Variants in RBMS3 observed in about 807,000 individuals in gnomAD.
RBMS3 encodes the protein RNA binding motif single stranded interacting protein 3.
In RBMS3, 27 loss-of-function variants were observed where a neutral mutation model predicts 66.8. That is an observed-to-expected ratio of 0.40 (90% CI 0.30 to 0.56). RBMS3 has a LOEUF of 0.56. Ranked by LOEUF, RBMS3 falls within the 20% of genes least tolerant of loss-of-function variation. The pLI is 0.40. For synonymous variants in RBMS3, 188 were observed against 183.0 expected, an observed-to-expected ratio of 1.03 and a Z score of -0.22; for missense variants, 513 against 549.5, an observed-to-expected ratio of 0.93 and a Z score of 0.66.
chr3:29,303,379 G>A (rs2125450084), intron 1 of RBMS3, among the ~76,000 whole-genome samples: 1 of 152,118 alleles, frequency 6.6e-6, no homozygotes, highest in South Asian at 2.1e-4. Flanking sequence ...ATCTTAGTCT[G>A]AAGTGTGGTG....
rs1301393027 is a variant in RBMS3, at chr3:29,991,074, C to T, written c.1180-8C>T. 6.2e-7 allele frequency: 1 copy of T among 1,613,708 alleles called. No individual in the cohort carries two copies. The highest frequency in any genetic ancestry group is 1.3e-5 in the African/African-American group (1 of 74,888). ...GTAAGGCTTTTATGTTCTTATTTGCCTCCTTAGGGTGTTGTTGCTGATACC... is the reference window on the plus strand; with the variant it reads ...GTAAGGCTTTTATGTTCTTATTTGCTTCCTTAGGGTGTTGTTGCTGATACC... On this transcript the variant is annotated splice_region_variant and splice_polypyrimidine_tract_variant and intron_variant, in intron 13 of 14. Transcript: ENST00000383767.
intron 1 of RBMS3, among the ~76,000 whole-genome samples, chr3:29,396,791 A>G (rs1425227559): frequency 6.6e-6 from 1 of 152,194 alleles, no homozygotes; most frequent in Admixed American, 6.6e-5. Context: ...ATACTTTTAA[A>G]TATAATGAGG....
chr3:29,882,988 T>C (rs2059771807), intron 7 of RBMS3, among the ~76,000 whole-genome samples: 1 of 151,980 alleles, frequency 6.6e-6, no homozygotes, highest in South Asian at 2.1e-4. Context: ...TGTTATATTT[T>C]AAGTAATTAT....
intron 6 of RBMS3, among the ~76,000 whole-genome samples, chr3:29,849,170 A>ATGTG (rs10571760): frequency 0.14 from 20,397 of 141,608 alleles, 1,645 homozygotes; most frequent in East Asian, 0.37. Context: ...CACCAAAGGA[A>ATGTG]TGTGTGTGTG....
At position 29,991,160 on chromosome 3, in the gene RBMS3, G is replaced by C. The variant is rs1273450692; in HGVS notation, c.1258G>C (p.Val420Leu). 1.2e-6 allele frequency: 2 copies of C among 1,614,060 alleles called. No homozygotes were observed. The highest frequency in any genetic ancestry group is 1.7e-6 in the Non-Finnish European group (2 of 1,180,038). ...CAGTGGTCAGCAGCAACAGATAGCAGTGGACACATCCAACGAACATGCACC... is the reference window on the plus strand; with the variant it reads ...CAGTGGTCAGCAGCAACAGATAGCACTGGACACATCCAACGAACATGCACC... ...DTSGQQQQIA[V>L]DTSNEHAPAY... is the part of the protein sequence containing the mutation. The change falls in exon 14 of 15, where the codon GTG becomes CTG. Residue 420 changes from valine to leucine, a missense_variant. Physicochemically the swap from Val to Leu is conservative, Grantham distance 32. Coordinates refer to ENST00000383767, the MANE Select transcript of RBMS3 (RefSeq NM_001003793.3).
intron 10 of RBMS3, among the ~76,000 whole-genome samples, chr3:29,911,991 A>C (rs937278801): frequency 8.6e-5 from 13 of 152,008 alleles, no homozygotes; most frequent in African/African-American, 2.4e-4. Context: ...AGCTAGATAG[A>C]TAGATAGATA....
chr3:29,367,017 AAC>A (rs2125593426), intron 1 of RBMS3, among the ~76,000 whole-genome samples: 1 of 152,296 alleles, frequency 6.6e-6, no homozygotes, highest in South Asian at 2.1e-4. Flanking sequence ...GATCTTTGGT[AAC>A]ACATGGAAGA....
chr3:29,836,035 GAAAC>G (rs570272184), intron 6 of RBMS3, among the ~76,000 whole-genome samples: 231 of 151,804 alleles, frequency 1.5e-3, no homozygotes, highest in African/African-American at 5.3e-3. Context: ...AAAATTCCTA[GAAAC>G]AAACAACCTA....
At chr3:29,950,016 T>C (rs1485526136) in intron 12 of RBMS3, among the ~76,000 whole-genome samples, 2 of 151,870 alleles carry the variant, frequency 1.3e-5, no homozygotes, top group Non-Finnish European at 2.9e-5. Flanking sequence ...TCCACTGATA[T>C]TACTCTTGAC....
chr3:29,761,559 G>A (rs1418658107), intron 5 of RBMS3, among the ~76,000 whole-genome samples: 2 of 152,026 alleles, frequency 1.3e-5, no homozygotes, highest in African/African-American at 4.8e-5. Context: ...CCTCTTCTCA[G>A]CATTTCTCTC....
chr3:29,681,657 A>T (rs1482160295), intron 4 of RBMS3, among the ~76,000 whole-genome samples: 2 of 152,034 alleles, frequency 1.3e-5, no homozygotes, highest in Non-Finnish European at 2.9e-5. Flanking sequence ...TTTCAACCCC[A>T]TCCATGTCCC....
chr3:29,369,119 C>T (rs1180129943), intron 1 of RBMS3, among the ~76,000 whole-genome samples: 3 of 151,946 alleles, frequency 2.0e-5, no homozygotes, highest in African/African-American at 7.3e-5. Flanking sequence ...GATGAGAACA[C>T]ATAGACACAT....
At chr3:29,589,951 G>A (rs1214868513) in intron 4 of RBMS3, among the ~76,000 whole-genome samples, 1 of 151,966 alleles carries the variant, frequency 6.6e-6, no homozygotes, top group Non-Finnish European at 1.5e-5. Context: ...ATTCCAGTGT[G>A]TGCATATGGA....
At chr3:29,662,593 T>C (rs1243060152) in intron 4 of RBMS3, among the ~76,000 whole-genome samples, 2 of 152,124 alleles carry the variant, frequency 1.3e-5, no homozygotes, top group Non-Finnish European at 2.9e-5. Context: ...ATGAGAAAAC[T>C]GGGATTGAAA....
rs372199624 is a variant in RBMS3, at chr3:29,767,628, G to A, written c.637+4639G>A. 5 of 152,066 alleles carry A rather than the reference G, an allele frequency of 3.3e-5. No homozygotes were observed. In the East Asian group the frequency reaches 9.7e-4, roughly 30 times the overall value. The allele number at this position is 152,066 out of a possible 1,614,324, so 9.4% of individuals were successfully genotyped here. On this transcript the variant is annotated intron_variant, in intron 6 of 14. Transcript: ENST00000383767. ...GTTGTGTGTTGATGTAAATAACAAT[G>A]TGTATGACTATGTATGTATATGAAT...
chr3:29,337,269 G>T (rs867062903), intron 1 of RBMS3, among the ~76,000 whole-genome samples: 15 of 152,020 alleles, frequency 9.9e-5, no homozygotes, highest in Middle Eastern at 3.4e-3. Context: ...TATCCCTATT[G>T]ATCAAAATTA....
chr3:29,858,859 C>T (rs976533936), intron 6 of RBMS3, among the ~76,000 whole-genome samples: 3 of 152,152 alleles, frequency 2.0e-5, no homozygotes, highest in South Asian at 2.1e-4. Context: ...ATCTTGAGAT[C>T]ACTATTTAGG....
intron 12 of RBMS3, among the ~76,000 whole-genome samples, chr3:29,978,700 A>G (rs1276416975): frequency 6.6e-6 from 1 of 152,188 alleles, no homozygotes; most frequent in Non-Finnish European, 1.5e-5. Flanking sequence ...GCATGTTTCT[A>G]TATTTCTTAC....
At chr3:29,857,675 T>G (rs1480944715) in intron 6 of RBMS3, among the ~76,000 whole-genome samples, 4 of 152,076 alleles carry the variant, frequency 2.6e-5, no homozygotes, top group Non-Finnish European at 5.9e-5. Flanking sequence ...GATCACAGGA[T>G]ATTGACATGT....
Sources: gnomAD v4.1 joint callset for allele counts (sites outside exome capture counted in the v4.1 genomes callset) on GRCh38, gnomAD v4.1.1 for gene constraint, MANE v1.5 for transcripts, NCBI Gene and HGNC (gene_info 2026-07-23, HGNC 2026-07-21) for gene names.